The following TANC2 variants were observed in gnomAD, a reference collection of about 807,000 sequenced individuals.
TANC2 encodes protein TANC2.
In TANC2, 26 loss-of-function variants were observed where a neutral mutation model predicts 210.5. The ratio of observed to expected loss-of-function variants is 0.12; its 90% CI spans 0.09 to 0.17. TANC2 has a LOEUF of 0.17. TANC2 is among the 10% of genes least tolerant of loss of function. The probability of loss-of-function intolerance (pLI) is 1.00; values close to 1 mark genes in which losing one functional copy is unlikely to be tolerated. For synonymous variants in TANC2, 931 were observed against 967.1 expected (o/e 0.96, Z 0.69); for missense variants, 2,129 against 2,608.9 (o/e 0.82, Z 4.01).
At chr17:63,167,961 C>T (rs2145543747) in intron 5 of TANC2, among the ~76,000 whole-genome samples, 2 of 150,542 alleles carry the variant, frequency 1.3e-5, no homozygotes, top group South Asian at 4.2e-4. Context: ...TGCATTATTG[C>T]TAGCTCCCAT....
At chr17:63,248,991 T>C (rs1287324382) in intron 8 of TANC2, among the ~76,000 whole-genome samples, 1 of 152,178 alleles carries the variant, frequency 6.6e-6, no homozygotes, top group Middle Eastern at 3.2e-3. Flanking sequence ...GTTTGACTAA[T>C]ACGTTGGTCA....
intron 19 of TANC2, among the ~76,000 whole-genome samples, chr17:63,400,707 A>C (rs907698132): frequency 6.6e-6 from 1 of 151,706 alleles, no homozygotes; most frequent in African/African-American, 2.4e-5. Context: ...GCAGTGACAC[A>C]ATCTCGGCTC....
At chr17:63,175,350 G>A (rs996975221) in intron 5 of TANC2, among the ~76,000 whole-genome samples, 1 of 151,940 alleles carries the variant, frequency 6.6e-6, no homozygotes, top group African/African-American at 2.4e-5. Context: ...AACCTAGCAA[G>A]ATCCGGTCTC....
chr17:63,120,735 G>GGCTGGGAA (rs1424023835), intron 4 of TANC2: 1 of 148,758 alleles, frequency 6.7e-6, no homozygotes, highest in African/African-American at 2.5e-5. Context: ...AATCGCCTGA[G>GGCTGGGAA]GCTGGGAAGG....
chr17:63,120,541 T>TG (rs968127207), intron 4 of TANC2: 3 of 152,016 alleles, frequency 2.0e-5, no homozygotes, highest in Admixed American at 2.0e-4. Flanking sequence ...CAAGGCCAGG[T>TG]GGTGACTCAT....
intron 5 of TANC2, among the ~76,000 whole-genome samples, chr17:63,178,591 C>G (rs527613039): frequency 7.1e-4 from 108 of 152,240 alleles, no homozygotes; most frequent in African/African-American, 2.5e-3. Flanking sequence ...AAAATATAGC[C>G]AGGTTTGCTT....
At chr17:63,219,536 G>A (rs1212197127) in intron 7 of TANC2, among the ~76,000 whole-genome samples, 2 of 152,100 alleles carry the variant, frequency 1.3e-5, no homozygotes, top group African/African-American at 2.4e-5. Context: ...TCAGCCTCCC[G>A]AGTAGCTGGG....
At chr17:63,255,633 G>T (rs1470325544) in intron 8 of TANC2, among the ~76,000 whole-genome samples, 2 of 151,942 alleles carry the variant, frequency 1.3e-5, no homozygotes, top group Non-Finnish European at 2.9e-5. Flanking sequence ...ATGATCCTTT[G>T]AATTTCTGTG....
At chr17:63,064,235 GC>G (rs2036111784) in intron 2 of TANC2, among the ~76,000 whole-genome samples, 1 of 152,102 alleles carries the variant, frequency 6.6e-6, no homozygotes, top group African/African-American at 2.4e-5. Context: ...CGAAAGGATT[GC>G]TTGAGCCCAA....
intron 4 of TANC2, among the ~76,000 whole-genome samples, chr17:63,124,806 G>C (rs2038643142): frequency 1.3e-5 from 2 of 152,170 alleles, no homozygotes; most frequent in South Asian, 4.1e-4. Context: ...ATTCTCACAG[G>C]AGCATGAACC....
At chr17:63,416,648 C>T (rs2048870141) in intron 26 of TANC2, among the ~76,000 whole-genome samples, 1 of 152,130 alleles carries the variant, frequency 6.6e-6, no homozygotes, top group African/African-American at 2.4e-5. Context: ...TTAAACCTGA[C>T]TGTCTCAGAG....
At chr17:63,084,170 G>A (rs2036876358) in intron 3 of TANC2, among the ~76,000 whole-genome samples, 1 of 152,086 alleles carries the variant, frequency 6.6e-6, no homozygotes, top group Non-Finnish European at 1.5e-5. Context: ...AATAGTTATA[G>A]GCCTATTCAG....
At chr17:63,164,331 G>A (rs2040132862) in intron 5 of TANC2, among the ~76,000 whole-genome samples, 1 of 151,718 alleles carries the variant, frequency 6.6e-6, no homozygotes, top group Admixed American at 6.6e-5. Flanking sequence ...CACCATGAGA[G>A]ATTTTTCTAA....
At chr17:63,318,360 AC>A (rs1413149939) in intron 10 of TANC2, among the ~76,000 whole-genome samples, 1 of 152,216 alleles carries the variant, frequency 6.6e-6, no homozygotes, top group Non-Finnish European at 1.5e-5. Context: ...TATGTAATTC[AC>A]CCATTTAAAG....
In TANC2 at chr17:63,420,716, A is replaced by G; in HGVS notation, c.4986A>G (p.Lys1662=). The change falls in exon 28 of 28, where the codon AAA becomes AAG. Residue 1662 remains lysine (K), a synonymous_variant. Coordinates refer to ENST00000689528, the Ensembl canonical transcript of TANC2. The surrounding 1 kb of genome is among the most constrained non-coding windows in gnomAD (Gnocchi z 4.2). ...TCAGTCAGCTTCCTGGCAGACCCAA[A>G]TCTCCATTATCCAAAATGGCCCAGC... The G allele has an allele frequency of 6.2e-7, 1 of 1,613,920 alleles. No homozygotes were observed. Among genetic ancestry groups the G allele is most frequent in the Non-Finnish European group, 8.5e-7 (1 of 1,179,868 alleles).
chr17:63,275,892 C>A (rs1260819436), intron 9 of TANC2, among the ~76,000 whole-genome samples: 1 of 152,094 alleles, frequency 6.6e-6, no homozygotes, highest in African/African-American at 2.4e-5. Flanking sequence ...ACTGGAAATA[C>A]TTTAAAATGC....
intron 2 of TANC2, among the ~76,000 whole-genome samples, chr17:63,039,180 G>A (rs1408193797): frequency 4.6e-5 from 7 of 152,068 alleles, no homozygotes; most frequent in African/African-American, 7.2e-5. Flanking sequence ...AAGACATATC[G>A]TGTTAGTCTT....
At chr17:63,300,472 C>T (rs2044676360) in intron 9 of TANC2, among the ~76,000 whole-genome samples, 1 of 152,130 alleles carries the variant, frequency 6.6e-6, no homozygotes, top group South Asian at 2.1e-4. Context: ...TTGTAGTTCT[C>T]CTTGAAGAGG....
intron 9 of TANC2, among the ~76,000 whole-genome samples, chr17:63,291,538 G>C (rs181347377): frequency 1.3e-5 from 2 of 152,312 alleles, no homozygotes; most frequent in African/African-American, 4.8e-5. Context: ...GAGTTAATGA[G>C]ATGCAAGGGT....
Sources: gnomAD v4.1 joint callset for allele counts (sites outside exome capture counted in the v4.1 genomes callset) on GRCh38, gnomAD v4.1.1 for gene constraint, Gnocchi (gnomAD v3.1) non-coding constraint, MANE v1.5 for transcripts, NCBI Gene and HGNC (gene_info 2026-07-23, HGNC 2026-07-21) for gene names.